CFAP54: variants seen among roughly 807,000 people sequenced by gnomAD.
CFAP54 encodes the protein cilia and flagella associated protein 54.
A neutral mutation model predicts 370.4 loss-of-function variants in CFAP54; 290 were observed. The observed-to-expected ratio is 0.78, with a 90% CI of 0.71 to 0.86. The LOEUF (loss-of-function observed/expected upper bound fraction) is 0.86. CFAP54 is among the 40% of genes least tolerant of loss of function. CFAP54 has a pLI of 0.00. For synonymous variants in CFAP54, 1,206 were observed against 1,236.5 expected (o/e 0.98, Z 0.52); for missense variants, 3,399 against 3,528.7 (o/e 0.96, Z 0.93).
At chr12:96,641,639 T>C (rs11108602) in intron 32 of CFAP54, among the ~76,000 whole-genome samples, 56,623 of 151,864 alleles carry the variant, frequency 0.37, 10,911 homozygotes, top group East Asian at 0.64. Context: ...GTATGTTTAT[T>C]GCGGCACTAT....
At chr12:96,788,789 G>A (rs1303712126) in intron 62 of CFAP54, among the ~76,000 whole-genome samples, 1 of 152,078 alleles carries the variant, frequency 6.6e-6, no homozygotes, top group Non-Finnish European at 1.5e-5. Context: ...TAAGAATCCA[G>A]TTAAAGAAAT....
At chr12:96,821,057 A>AG (rs1959026844) in intron 65 of CFAP54, among the ~76,000 whole-genome samples, 1 of 152,160 alleles carries the variant, frequency 6.6e-6, no homozygotes, top group Non-Finnish European at 1.5e-5. Flanking sequence ...TCTGCCACTC[A>AG]GCTTTACTAC....
chr12:96,658,300 T>C lies in CFAP54; in HGVS notation c.5414T>C (p.Ile1805Thr), dbSNP rs753603186. 3 of 1,614,120 alleles carry C rather than the reference T, an allele frequency of 1.9e-6. No homozygotes were observed. The highest frequency in any genetic ancestry group is 1.7e-5 in the Admixed American group (1 of 60,024). ...ATACAGAAGTTCAAGGGCCCAGATA[T>C]TACCCAACAACCTTGTGCAAGGTAT... Reference protein sequence around the residue: ...LRIQKFKGPDITQQPCARYEA... With the variant: ...LRIQKFKGPDTTQQPCARYEA... Residue 1805 changes from isoleucine to threonine, a missense_variant, in exon 38 of 68, where the codon ATT becomes ACT. Coordinates refer to ENST00000524981, the MANE Select transcript of CFAP54 (RefSeq NM_001306084.2).
In CFAP54 at chr12:96,640,426, G is replaced by A. The variant is rs148757878; in HGVS notation, c.4317-3752G>A. ...AACCACTGCTCAATGAAATAAAAGA[G>A]GATAAAAACCAGTGGGAGAACATTC... On this transcript the variant is annotated intron_variant, in intron 32 of 67. Transcript: ENST00000524981. Among the ~76,000 whole-genome samples, 1,442 of 152,242 alleles carry A rather than the reference G, an allele frequency of 9.5e-3. 54 individuals are homozygous for A. In the East Asian group the frequency reaches 0.1, roughly 11 times the overall value.
chr12:96,555,994 G>A (rs74347503), intron 17 of CFAP54, among the ~76,000 whole-genome samples: 5,249 of 151,894 alleles, frequency 0.035, 117 homozygotes, highest in Middle Eastern at 0.075. Flanking sequence ...TCTAACATAA[G>A]TCAAGATTTA....
intron 50 of CFAP54, among the ~76,000 whole-genome samples, chr12:96,727,248 G>A (rs555599269): frequency 1.2e-4 from 19 of 152,146 alleles, no homozygotes; most frequent in Admixed American, 5.2e-4. Context: ...TTTCTGTCTC[G>A]TTGATCTGTC....
At chr12:96,813,716 C>A (rs944493168) in intron 64 of CFAP54, among the ~76,000 whole-genome samples, 1 of 152,188 alleles carries the variant, frequency 6.6e-6, no homozygotes, top group Non-Finnish European at 1.5e-5. Flanking sequence ...TTTCTACTTA[C>A]AACTGGGTCC....
chr12:96,708,489 C>T (rs1007010075), intron 47 of CFAP54, 119 bp from the exon 48 acceptor site: 3 of 756,684 alleles, frequency 4.0e-6, no homozygotes, highest in Non-Finnish European at 6.4e-6. Context: ...TACAATACCC[C>T]ATGCCCAGCC....
chr12:96,861,020 C>A, intron 67 of CFAP54, 68 bp downstream of exon 67: 1 of 1,161,356 alleles, frequency 8.6e-7, no homozygotes, highest in Non-Finnish European at 1.1e-6. Flanking sequence ...GAACGGTCCT[C>A]TTATAACAAC....
At chr12:96,820,174 A>G (rs565175498) in intron 65 of CFAP54, among the ~76,000 whole-genome samples, 5 of 152,190 alleles carry the variant, frequency 3.3e-5, no homozygotes, top group Admixed American at 2.0e-4. Context: ...AATTCTACCC[A>G]TCTCTCCTGC....
intron 48 of CFAP54, among the ~76,000 whole-genome samples, chr12:96,716,590 G>A (rs1426089369): frequency 6.6e-6 from 1 of 152,122 alleles, no homozygotes; most frequent in East Asian, 1.9e-4. Flanking sequence ...AAATATCATG[G>A]CTTAACACAG....
At chr12:96,738,173 T>A (rs1202917938) in intron 50 of CFAP54, among the ~76,000 whole-genome samples, 1 of 151,994 alleles carries the variant, frequency 6.6e-6, no homozygotes, top group East Asian at 1.9e-4. Flanking sequence ...AGCCTGTTGA[T>A]GGATTGAACA....
chr12:96,712,531 A>G (rs529031222), intron 48 of CFAP54, among the ~76,000 whole-genome samples: 9 of 152,308 alleles, frequency 5.9e-5, no homozygotes, highest in African/African-American at 2.2e-4. Flanking sequence ...TGTTGGGAAC[A>G]TTCTGAATCT....
chr12:96,657,937 A>T lies in CFAP54; in HGVS notation c.5156A>T (p.Asn1719Ile). ...SVPSCYGNIK[N>I]DNGGSSLTFE... ...CCAAGCTGTTATGGGAATATTAAAA[A>T]TGACAACGGTGGTTCTAGTCTTACC... The change falls in exon 37 of 68, where the codon AAT becomes ATT. Residue 1719 changes from asparagine to isoleucine, a missense_variant. Asn to Ile is a moderately radical substitution (Grantham distance 149). Coordinates refer to ENST00000524981, the MANE Select transcript of CFAP54 (RefSeq NM_001306084.2). 6.2e-7 allele frequency: 1 copy of T among 1,613,938 alleles called. No homozygotes were observed. Among genetic ancestry groups the T allele is most frequent in the Non-Finnish European group, 8.5e-7 (1 of 1,179,904 alleles).
chr12:96,730,764 A>G (rs749642164), intron 50 of CFAP54, among the ~76,000 whole-genome samples: 23 of 152,232 alleles, frequency 1.5e-4, no homozygotes, highest in Non-Finnish European at 2.2e-4. Context: ...GGGGAAATCA[A>G]TTCAGCAGAA....
chr12:96,752,954 TA>T (rs1958205590), intron 55 of CFAP54, among the ~76,000 whole-genome samples: 1 of 152,212 alleles, frequency 6.6e-6, no homozygotes, highest in South Asian at 2.1e-4. Context: ...CTCTGTCAAA[TA>T]AGCTTGATAA....
In CFAP54 at chr12:96,581,067, C is replaced by T; in HGVS notation, c.3037C>T (p.Pro1013Ser). Residue 1013 changes from proline (P) to serine (S), a missense_variant, in exon 22 of 68, where the codon CCT becomes TCT. This residue lies in a region of CFAP54 where 2,796 missense variants were observed against 2,869.7 expected (regional missense o/e 0.97). Coordinates refer to ENST00000524981, the MANE Select transcript of CFAP54 (RefSeq NM_001306084.2). ...ETTKPILVYP[P>S]LSTITARMFL... ...AACTAAACCAATTCTGGTTTATCCC[C>T]CTCTTTCTACTATTACTGCTCGGAT... 1 of 1,522,474 alleles carries T rather than the reference C, an allele frequency of 6.6e-7. No homozygotes were observed. Among genetic ancestry groups the T allele is most frequent in the Non-Finnish European group, 8.8e-7 (1 of 1,140,488 alleles). The allele number at this position is 1,522,474 out of a possible 1,614,324, so 94.3% of individuals were successfully genotyped here.
At chr12:96,676,345 A>G (rs1957208527) in intron 39 of CFAP54, among the ~76,000 whole-genome samples, 1 of 152,208 alleles carries the variant, frequency 6.6e-6, no homozygotes, top group African/African-American at 2.4e-5. Flanking sequence ...GAAGGTAACT[A>G]TCTCATATTA....
intron 66 of CFAP54, among the ~76,000 whole-genome samples, chr12:96,830,827 C>T (rs528513491): frequency 1.2e-4 from 19 of 152,024 alleles, no homozygotes; most frequent in East Asian, 7.8e-4. Context: ...TACAGGCAAG[C>T]GCCCCATACC....
Sources: gnomAD v4.1 joint callset for allele counts (sites outside exome capture counted in the v4.1 genomes callset) on GRCh38, gnomAD v4.1.1 for gene constraint, gnomAD v4.1.1 regional missense constraint, MANE v1.5 for transcripts, NCBI Gene and HGNC (gene_info 2026-07-23, HGNC 2026-07-21) for gene names.